Variants in DIAPH3 observed in about 807,000 individuals in gnomAD.
DIAPH3 encodes the protein diaphanous related formin 3.
A neutral mutation model predicts 144.3 loss-of-function variants in DIAPH3; 117 were observed. The observed-to-expected ratio is 0.81, with a 90% CI of 0.70 to 0.95. DIAPH3 has a LOEUF of 0.95. Among genes scored for constraint, DIAPH3 ranks in the 40% least tolerant of loss-of-function variants. The pLI, the probability that DIAPH3 is intolerant of heterozygous loss-of-function variation, is 0.00. For synonymous variants in DIAPH3, 519 were observed against 488.9 expected (o/e 1.06, Z -0.81); for missense variants, 1,421 against 1,412.7 (o/e 1.01, Z -0.09).
At chr13:59,770,903 A>G (rs536768747) in intron 27 of DIAPH3, among the ~76,000 whole-genome samples, 2 of 152,306 alleles carry the variant, frequency 1.3e-5, no homozygotes, top group East Asian at 3.9e-4. Context: ...AAGATTTAGC[A>G]CATACTTCAT....
At chr13:59,978,324 T>C (rs1394387164) in intron 14 of DIAPH3, among the ~76,000 whole-genome samples, 1 of 151,654 alleles carries the variant, frequency 6.6e-6, no homozygotes, top group Non-Finnish European at 1.5e-5. Flanking sequence ...TGAGAGGTCA[T>C]TTTCTCTTTT....
intron 20 of DIAPH3, among the ~76,000 whole-genome samples, chr13:59,907,880 CAG>C (rs1450467422): frequency 6.6e-6 from 1 of 152,078 alleles, no homozygotes. Context: ...CCAATTTCAA[CAG>C]AGACATAAAT....
chr13:59,729,407 T>C (rs1157209804), intron 27 of DIAPH3, among the ~76,000 whole-genome samples: 1 of 152,068 alleles, frequency 6.6e-6, no homozygotes, highest in Non-Finnish European at 1.5e-5. Context: ...AGTAATTAAA[T>C]AGATTAGAAA....
At chr13:59,773,974 G>C in intron 27 of DIAPH3, 1 of 513,224 alleles carries the variant, frequency 1.9e-6, no homozygotes, top group Non-Finnish European at 3.5e-6. Flanking sequence ...ATTCACTAGA[G>C]ACCTGATAGA....
At chr13:59,745,284 TGTTTAACCTAGAG>T (rs2036645722) in intron 27 of DIAPH3, among the ~76,000 whole-genome samples, 1 of 152,204 alleles carries the variant, frequency 6.6e-6, no homozygotes, top group Non-Finnish European at 1.5e-5. Flanking sequence ...AATACTGAAT[TGTTTAACCTAGAG>T]GTTAATTATC....
Position 60,033,908 on chromosome 13 carries a change from A to C in DIAPH3, c.626+8782T>G, listed in dbSNP as rs543518756. ...TTAAAAAGTTTTCTGAATGATAAAA[A>C]TTAAAACTTCTTCTATTGTCAATGT... On this transcript the variant is annotated intron_variant, in intron 5 of 27. Transcript: ENST00000400324. Among the ~76,000 whole-genome samples the C allele has an allele frequency of 2.0e-5, 3 of 152,342 alleles. No individual in the cohort carries two copies. The South Asian group carries it at 6.2e-4, about 32-fold the overall frequency.
At chr13:59,948,727 C>A (rs1221348773) in intron 17 of DIAPH3, among the ~76,000 whole-genome samples, 1 of 152,150 alleles carries the variant, frequency 6.6e-6, no homozygotes. Context: ...TCCCAAAGCA[C>A]TGGGGTTGTA....
intron 22 of DIAPH3, among the ~76,000 whole-genome samples, chr13:59,847,246 T>G (rs771917886): frequency 4.6e-5 from 7 of 152,208 alleles, no homozygotes; most frequent in Non-Finnish European, 8.8e-5. Flanking sequence ...CTTAATTAAT[T>G]TACTATACTG....
At chr13:59,955,142 G>C (rs1460115352) in intron 17 of DIAPH3, among the ~76,000 whole-genome samples, 1 of 150,070 alleles carries the variant, frequency 6.7e-6, no homozygotes, top group Non-Finnish European at 1.5e-5. Context: ...ATTTGTATTT[G>C]TACATATGTA....
chr13:59,839,353 A>G lies in DIAPH3; in HGVS notation c.2833T>C (p.Leu945=). 1 of 1,613,680 alleles carries G rather than the reference A, an allele frequency of 6.2e-7. No individual in the cohort carries two copies. The highest frequency in any genetic ancestry group is 8.5e-7 in the Non-Finnish European group (1 of 1,179,768). The part of the protein sequence containing the change: ...ELETFPPPED[L]HDKFVTKMSR... ...ATCTTTGTCACAAACTTGTCATGCA[A>G]GTCCTCAGGAGGGGGAAAGGTTTCC... Residue 945 remains leucine, a synonymous_variant, in exon 23 of 28, where the codon TTG becomes CTG. Coordinates refer to ENST00000400324, the MANE Select transcript of DIAPH3 (RefSeq NM_001042517.2).
At chr13:60,156,948 T>C (rs1463366089) in intron 1 of DIAPH3, among the ~76,000 whole-genome samples, 3 of 60,840 alleles carry the variant, frequency 4.9e-5, no homozygotes, top group South Asian at 1.4e-3. Context: ...TATTTTTTTT[T>C]TTTTTTTTTT....
intron 1 of DIAPH3, among the ~76,000 whole-genome samples, chr13:60,139,651 G>GA (rs1287884276): frequency 6.6e-6 from 1 of 152,102 alleles, no homozygotes; most frequent in Non-Finnish European, 1.5e-5. Flanking sequence ...TGCCTCTGTA[G>GA]AAAAAAACAA....
chr13:60,140,533 A>G (rs1402811258), intron 1 of DIAPH3, among the ~76,000 whole-genome samples: 1 of 152,152 alleles, frequency 6.6e-6, no homozygotes, highest in Non-Finnish European at 1.5e-5. Flanking sequence ...AAAAAAGTGC[A>G]TTTAAAATTG....
At chr13:60,124,986 C>T (rs58312993) in intron 2 of DIAPH3, among the ~76,000 whole-genome samples, 5,594 of 152,232 alleles carry the variant, frequency 0.037, 135 homozygotes, top group East Asian at 0.075. Flanking sequence ...CCTGGCTGCC[C>T]TCTATGACTC....
chr13:60,157,528 G>A lies in DIAPH3; in HGVS notation c.180+6059C>T, dbSNP rs545299421. ...ATATTTCATTTATATTCTTAAATAT[G>A]GTTATACAACTGCTTTAAAATCCTT... On this transcript the variant is annotated intron_variant, in intron 1 of 27. Transcript: ENST00000400324. Among the ~76,000 whole-genome samples, 392 of 152,206 alleles carry A rather than the reference G, an allele frequency of 2.6e-3. 1 individual carries two copies. The highest frequency in any genetic ancestry group is 4.2e-3 in the Non-Finnish European group (289 of 68,018).
At chr13:59,884,699 T>C (rs569894123) in intron 20 of DIAPH3, among the ~76,000 whole-genome samples, 21 of 151,824 alleles carry the variant, frequency 1.4e-4, no homozygotes, top group African/African-American at 5.1e-4. Context: ...AAAATATCTT[T>C]CATTGTTAAC....
At chr13:59,724,799 G>A (rs1426654924) in intron 27 of DIAPH3, among the ~76,000 whole-genome samples, 1 of 152,042 alleles carries the variant, frequency 6.6e-6, no homozygotes, top group Non-Finnish European at 1.5e-5. Context: ...TTACACCTTT[G>A]GGGAATAGAA....
intron 27 of DIAPH3, 60 bp from the exon 28 acceptor site, chr13:59,666,906 G>C: frequency 1.3e-6 from 2 of 1,573,996 alleles, no homozygotes; most frequent in South Asian, 2.2e-5. Flanking sequence ...GACTGTGCAC[G>C]TTATGAAACA....
chr13:59,924,710 G>T (rs975050434), intron 18 of DIAPH3, 65 bp downstream of exon 18: 43 of 1,554,988 alleles, frequency 2.8e-5, no homozygotes, highest in African/African-American at 4.1e-5. Context: ...CGGTCTTAAA[G>T]AAAATGAAAT....
Sources: allele counts gnomAD v4.1 joint callset (sites outside exome capture counted in the v4.1 genomes callset), GRCh38; gene constraint gnomAD v4.1.1; transcripts MANE v1.5; gene names NCBI Gene and HGNC (gene_info 2026-07-23, HGNC 2026-07-21).